The following MAST4 variants were observed in gnomAD, a reference collection of about 807,000 sequenced individuals.
MAST4 encodes the protein microtubule associated serine/threonine kinase family member 4.
In MAST4, 89 loss-of-function variants were observed where a neutral mutation model predicts 162.7. That is an observed-to-expected ratio of 0.55 (90% CI 0.46 to 0.65). The LOEUF is 0.65. Ranked by LOEUF, MAST4 falls within the 30% of genes least tolerant of loss-of-function variation. The pLI, the probability that MAST4 is intolerant of heterozygous loss-of-function variation, is 0.00. For missense variants in MAST4, 3,153 were observed against 3,374.0 expected, an observed-to-expected ratio of 0.93 and a Z score of 1.62; for synonymous variants, 1,479 against 1,361.1, an observed-to-expected ratio of 1.09 and a Z score of -1.91.
intron 1 of MAST4, among the ~76,000 whole-genome samples, chr5:66,638,515 C>A (rs1030003934): frequency 1.3e-5 from 2 of 152,144 alleles, no homozygotes; most frequent in Admixed American, 1.3e-4. Flanking sequence ...TTTCTATATA[C>A]ATAATGAGAT....
intron 3 of MAST4, among the ~76,000 whole-genome samples, chr5:66,892,489 C>T (rs1183548189): frequency 6.6e-6 from 1 of 152,144 alleles, no homozygotes; most frequent in Non-Finnish European, 1.5e-5. Context: ...GCTTTAATCC[C>T]CACATGTGCC....
chr5:67,104,631 A>T lies in MAST4; in HGVS notation c.1356+56A>T, dbSNP rs568640150. Reference sequence around the variant, plus strand: ...TTTATTTTGCTTTTCCCTGAAAAAAATTTTTTTTTGCTTACAAGTTATAAC... The same window carrying T: ...TTTATTTTGCTTTTCCCTGAAAAAATTTTTTTTTTGCTTACAAGTTATAAC... On this transcript the variant is annotated intron_variant, in intron 10 of 28. Transcript: ENST00000403625. 1.7e-3 allele frequency: 2,485 copies of T among 1,466,644 alleles called. 3 individuals are homozygous for T. Among genetic ancestry groups the T allele is most frequent in the Non-Finnish European group, 2.0e-3 (2,192 of 1,075,212 alleles). 90.9% of individuals were successfully genotyped at this position (1,466,644 alleles called of 1,614,324 possible).
At position 67,149,458 on chromosome 5, in the gene MAST4, C is replaced by G. The variant is rs867630014; in HGVS notation, c.3164C>G (p.Ser1055Cys). 6.2e-7 allele frequency: 1 copy of G among 1,613,648 alleles called. No individual in the cohort carries two copies. The highest frequency in any genetic ancestry group is 1.7e-5 in the Admixed American group (1 of 59,980). ...GAGTGTGTGGACAGTACAGATAATT[C>G]CTCAAAGCCATCCAGTGAACCCGCT... ...RSECVDSTDN[S>C]SKPSSEPASH... The change falls in exon 24 of 29, where the codon TCC becomes TGC. Residue 1055 changes from serine (S) to cysteine (C), a missense_variant. Coordinates refer to ENST00000403625, the MANE Select transcript of MAST4 (RefSeq NM_001164664.2).
chr5:67,136,074 A>G (rs1434787332), intron 18 of MAST4, among the ~76,000 whole-genome samples: 1 of 152,134 alleles, frequency 6.6e-6, no homozygotes, highest in Non-Finnish European at 1.5e-5. Context: ...ATTTTTACAA[A>G]ATTACTTCTT....
intron 4 of MAST4, among the ~76,000 whole-genome samples, chr5:67,017,427 C>T (rs991979448): frequency 4.6e-5 from 7 of 152,082 alleles, no homozygotes; most frequent in African/African-American, 1.7e-4. Flanking sequence ...CAGGGTTTAC[C>T]ACTTGTATCA....
chr5:66,835,343 C>T (rs1049268403), intron 3 of MAST4, among the ~76,000 whole-genome samples: 1 of 152,062 alleles, frequency 6.6e-6, no homozygotes, highest in Non-Finnish European at 1.5e-5. Flanking sequence ...TCCATTCTTG[C>T]CTTAGCTGTC....
chr5:66,809,690 A>G (rs188291741), intron 3 of MAST4, among the ~76,000 whole-genome samples: 233 of 152,232 alleles, frequency 1.5e-3, no homozygotes, highest in Admixed American at 4.5e-3. Context: ...AATTATTGCT[A>G]TTTGTTTCTT....
chr5:67,021,141 C>A (rs1442022002), intron 4 of MAST4, among the ~76,000 whole-genome samples: 1 of 152,210 alleles, frequency 6.6e-6, no homozygotes, highest in Non-Finnish European at 1.5e-5. Flanking sequence ...TTAGGCATGG[C>A]CTTCTCTGGT....
At chr5:66,731,147 G>A (rs1751825831) in intron 1 of MAST4, among the ~76,000 whole-genome samples, 1 of 152,096 alleles carries the variant, frequency 6.6e-6, no homozygotes, top group Admixed American at 6.6e-5. Flanking sequence ...TTGTTAAGAG[G>A]CATTTTGGAG....
chr5:66,629,806 G>GGTC (rs1210290845), intron 1 of MAST4, among the ~76,000 whole-genome samples: 48 of 152,302 alleles, frequency 3.2e-4, no homozygotes, highest in African/African-American at 1.1e-3. Flanking sequence ...AGATGTCTAT[G>GGTC]AGTGGTTAAT....
At chr5:66,976,587 G>A (rs1380476802) in intron 4 of MAST4, among the ~76,000 whole-genome samples, 1 of 152,218 alleles carries the variant, frequency 6.6e-6, no homozygotes, top group East Asian at 1.9e-4. Context: ...CCACAACTTT[G>A]GAGAAAAGAA....
intron 4 of MAST4, among the ~76,000 whole-genome samples, chr5:66,965,151 G>A (rs574667873): frequency 7.0e-6 from 1 of 143,374 alleles, no homozygotes; most frequent in East Asian, 2.2e-4. Flanking sequence ...AGAGTTTTGT[G>A]TAATAGCTTT....
Position 67,165,146 on chromosome 5 carries a change from G to A in MAST4, c.5967G>A (p.Arg1989=), listed in dbSNP as rs780446006. The change falls in exon 29 of 29, where the codon AGG becomes AGA. Residue 1989 remains arginine (R), a synonymous_variant. Coordinates refer to ENST00000403625, the MANE Select transcript of MAST4 (RefSeq NM_001164664.2). The part of the protein sequence containing the change: ...PTARSERSAA[R]ADTCREPSME... The stretch of plus-strand genomic sequence containing the variant: ...CCAGAAGCGAGCGCTCTGCTGCGAG[G>A]GCTGACACATGCAGAGAGCCCTCCA... 3 of 1,594,552 alleles carry A rather than the reference G, an allele frequency of 1.9e-6. No homozygotes were observed. Among genetic ancestry groups the A allele is most frequent in the Admixed American group, 3.5e-5 (2 of 56,418 alleles).
chr5:66,698,031 C>G (rs1749518898), intron 1 of MAST4, among the ~76,000 whole-genome samples: 1 of 151,872 alleles, frequency 6.6e-6, no homozygotes, highest in Non-Finnish European at 1.5e-5. Flanking sequence ...CTTCATTTCT[C>G]CTTGGGAACC....
intron 3 of MAST4, among the ~76,000 whole-genome samples, chr5:66,864,891 C>A: frequency 6.6e-6 from 1 of 152,158 alleles, no homozygotes; most frequent in Non-Finnish European, 1.5e-5. Flanking sequence ...CAAACTGACA[C>A]AGATGGCTTA....
chr5:66,942,257 T>G (rs1249719921), intron 4 of MAST4, among the ~76,000 whole-genome samples: 1 of 152,098 alleles, frequency 6.6e-6, no homozygotes, highest in Non-Finnish European at 1.5e-5. Flanking sequence ...TGGAAGACTA[T>G]GATAAAAAAT....
chr5:66,974,388 T>G (rs1747856385), intron 4 of MAST4, among the ~76,000 whole-genome samples: 1 of 152,228 alleles, frequency 6.6e-6, no homozygotes, highest in African/African-American at 2.4e-5. Flanking sequence ...CTTTTCCAGA[T>G]GAGCTGCCAC....
intron 4 of MAST4, among the ~76,000 whole-genome samples, chr5:67,003,097 T>C (rs1161131199): frequency 6.6e-6 from 1 of 151,860 alleles, no homozygotes; most frequent in Non-Finnish European, 1.5e-5. Flanking sequence ...TGTGTCAGCC[T>C]TCAAAACATC....
Position 67,162,640 on chromosome 5 carries a change from G to T in MAST4, c.3819G>T (p.Gln1273His). ...CTCTTTTCAAAAAGCTAGCCAAGCA[G>T]CCTTCTCCTTTACTCCACACCAGCC... ...RRSLFKKLAKQPSPLLHTSRS... is the reference protein window; with the variant it reads ...RRSLFKKLAKHPSPLLHTSRS... Residue 1273 changes from glutamine to histidine, a missense_variant, in exon 28 of 29, where the codon CAG (glutamine) becomes CAT (histidine). Transcript: ENST00000403625. The T allele has an allele frequency of 6.2e-7, 1 of 1,613,892 alleles. No homozygotes were observed. The highest frequency in any genetic ancestry group is 8.5e-7 in the Non-Finnish European group (1 of 1,179,854).
Sources: gnomAD v4.1 joint callset for allele counts (sites outside exome capture counted in the v4.1 genomes callset) on GRCh38, gnomAD v4.1.1 for gene constraint, MANE v1.5 for transcripts, NCBI Gene and HGNC (gene_info 2026-07-23, HGNC 2026-07-21) for gene names.